Variants in MVD observed in about 807,000 individuals in gnomAD.
The protein encoded by MVD is mevalonate diphosphate decarboxylase, also known as diphosphomevalonate decarboxylase.
MVD carries 52 observed loss-of-function variants against 42.4 expected under a neutral mutation model. That is an observed-to-expected ratio of 1.23 (90% CI 0.98 to 1.55). The LOEUF (loss-of-function observed/expected upper bound fraction) is 1.55, where lower values mean the gene tolerates loss of function less well. MVD is among the 40% of genes most tolerant of loss of function. The probability of loss-of-function intolerance (pLI) is 0.00; values close to 1 mark genes in which losing one functional copy is unlikely to be tolerated. For synonymous variants in MVD, 287 were observed against 243.2 expected (o/e 1.18, Z -1.68); for missense variants, 663 against 572.1 (o/e 1.16, Z -1.62).
At chr16:88,662,440 C>A (rs1022036600) in intron 1 of MVD, among the ~76,000 whole-genome samples, 15 of 152,344 alleles carry the variant, frequency 9.8e-5, no homozygotes, top group African/African-American at 3.6e-4. Context: ...CCAGGTAACC[C>A]CGGCGCGAGG....
At chr16:88,659,370 C>A (rs1252345590) in intron 1 of MVD, 2 of 155,964 alleles carry the variant, frequency 1.3e-5, no homozygotes, top group Admixed American at 1.2e-4. Context: ...GGCTCTTTCA[C>A]GCACAGCACT....
Position 88,652,407 on chromosome 16 carries a change from G to T in MVD, c.*118C>A. The T allele has an allele frequency of 8.6e-7, 1 of 1,163,078 alleles. No individual in the cohort carries two copies. Among genetic ancestry groups the T allele is most frequent in the Non-Finnish European group, 1.2e-6 (1 of 801,732 alleles). 72.0% of individuals were successfully genotyped at this position (1,163,078 alleles called of 1,614,324 possible). Reference sequence around the variant, plus strand: ...CTGCCCCACAGCAAGCTGCCCATGGGCCCGGGGTCAAGCCACCACCCACAT... The same window carrying T: ...CTGCCCCACAGCAAGCTGCCCATGGTCCCGGGGTCAAGCCACCACCCACAT... On this transcript the variant is annotated 3_prime_UTR_variant, in exon 10 of 10. Transcript: ENST00000301012.
Position 88,654,711 on chromosome 16 carries a change from G to A in MVD, c.994C>T (p.Pro332Ser). The A allele has an allele frequency of 1.3e-6, 2 of 1,599,622 alleles. No homozygotes were observed. The highest frequency in any genetic ancestry group is 1.4e-5 in the African/African-American group (1 of 73,992). ...FVAAVWHGFP[P>S]GSNGDTFLKG... ...ACTCACGTGTCTCCATTCGAGCCTGGGGGAAAGCCGTGCCACACAGCAGCC... is the reference window on the plus strand; with the variant it reads ...ACTCACGTGTCTCCATTCGAGCCTGAGGGAAAGCCGTGCCACACAGCAGCC... The change falls in exon 8 of 10, where the codon CCA becomes TCA. Residue 332 changes from proline to serine, a missense_variant. Physicochemically the swap from Pro to Ser is moderately conservative, Grantham distance 74. Coordinates refer to ENST00000301012, the MANE Select transcript of MVD (RefSeq NM_002461.3).
rs1313629983 is a variant in MVD at position 88,654,730 on chromosome 16, A to G, written c.975T>C (p.Ala325=). Residue 325 remains alanine (A), a synonymous_variant, in exon 8 of 10, where the codon GCT becomes GCC. Transcript: ENST00000301012. ...LDDTVAEFVA[A]VWHGFPPGSN... ...AGCCTGGGGGAAAGCCGTGCCACAC[A>G]GCAGCCACAAACTCAGCCACAGTGT... 1 of 1,603,442 alleles carries G rather than the reference A, an allele frequency of 6.2e-7. No homozygotes were observed. Among genetic ancestry groups the G allele is most frequent in the Non-Finnish European group, 8.5e-7 (1 of 1,176,668 alleles).
intron 1 of MVD, chr16:88,660,424 C>G (rs1245061998): frequency 2.0e-5 from 3 of 152,162 alleles, no homozygotes; most frequent in African/African-American, 7.2e-5. Context: ...GCAGGCAGAT[C>G]ACTTGAGGTC....
Position 88,657,963 on chromosome 16 carries a change from G to A in MVD, c.208C>T (p.Arg70Trp), listed in dbSNP as rs754779116. 6 of 1,613,794 alleles carry A rather than the reference G, an allele frequency of 3.7e-6. No individual in the cohort carries two copies. The highest frequency in any genetic ancestry group is 3.4e-6 in the Non-Finnish European group (4 of 1,180,036). Residue 70 changes from arginine to tryptophan, a missense_variant, in exon 3 of 10, where the codon CGG becomes TGG. Physicochemically the swap from Arg to Trp is moderately radical, Grantham distance 101 (BLOSUM62 -3). Coordinates refer to ENST00000301012, the MANE Select transcript of MVD (RefSeq NM_002461.3). ...CGCGGCTGCCCCACATCCTCCTCCCGGCCATTCAGCCAAATCCGGTCCTCG... is the reference window on the plus strand; with the variant it reads ...CGCGGCTGCCCCACATCCTCCTCCCAGCCATTCAGCCAAATCCGGTCCTCG... ...FTEDRIWLNG[R>W]EEDVGQPRLQ... is the part of the protein sequence containing the mutation.
In MVD at chr16:88,657,581, G is replaced by T. The variant is rs141767903; in HGVS notation, c.258C>A (p.Ile86=). The T allele has an allele frequency of 2.5e-6, 4 of 1,612,086 alleles. No individual in the cohort carries two copies. The African/African-American group carries it at 4.0e-5, about 16-fold the overall frequency. Residue 86 remains isoleucine, a splice_region_variant and synonymous_variant, in exon 4 of 10, where the codon ATC becomes ATA. Transcript: ENST00000301012. ...TCCTCCGCTTCCGGGCCAGGCAGCGGACTGCAGAGACAATGAGACAGCGTG... is the reference window on the plus strand; with the variant it reads ...TCCTCCGCTTCCGGGCCAGGCAGCGTACTGCAGAGACAATGAGACAGCGTG... ...QPRLQACLRE[I]RCLARKRRNS...
At position 88,655,987 on chromosome 16, in the gene MVD, G is replaced by A. The variant is rs535384521; in HGVS notation, c.603+118C>T. ...CCACGCTTCTGTTCCTTCAGCCCCC[G>A]CTGACCCCAGGAGCCAAGCAAAGCC... On this transcript the variant is annotated intron_variant, in intron 5 of 9. Transcript: ENST00000301012. 5.5e-5 allele frequency: 75 copies of A among 1,376,074 alleles called. No homozygotes were observed. In the East Asian group the frequency reaches 1.7e-3, roughly 31 times the overall value. The allele number at this position is 1,376,074 out of a possible 1,614,324, so 85.2% of individuals were successfully genotyped here.
intron 8 of MVD, among the ~76,000 whole-genome samples, chr16:88,654,257 G>A (rs1049889158): frequency 6.6e-6 from 1 of 152,178 alleles, no homozygotes; most frequent in African/African-American, 2.4e-5. Context: ...CTGCCGGGGC[G>A]GGGTCAACAC....
At chr16:88,661,691 A>G (rs907876180) in intron 1 of MVD, among the ~76,000 whole-genome samples, 5 of 152,050 alleles carry the variant, frequency 3.3e-5, no homozygotes, top group Non-Finnish European at 7.4e-5. Flanking sequence ...GCGAATGAGG[A>G]CCACAGCACC....
Position 88,652,485 on chromosome 16 carries a change from C to T in MVD, c.*40G>A, listed in dbSNP as rs1263549284. ...ATCCGCTCCCTAGCTCCGGCGAGGC[C>T]ACCCCTTCTCCAAGCGGCATGCGGT... is the stretch of plus-strand genomic sequence containing the variant. On this transcript the variant is annotated 3_prime_UTR_variant, in exon 10 of 10. Transcript: ENST00000301012. 1.9e-6 allele frequency: 3 copies of T among 1,549,298 alleles called. No individual in the cohort carries two copies. In the African/African-American group the frequency reaches 4.1e-5, roughly 21 times the overall value.
chr16:88,657,928 G>A lies in MVD; in HGVS notation c.243C>T (p.Ala81=), dbSNP rs1219133468. 6.2e-7 allele frequency: 1 copy of A among 1,613,486 alleles called. No individual in the cohort carries two copies. Among genetic ancestry groups the A allele is most frequent in the East Asian group, 2.2e-5 (1 of 44,898 alleles). The change falls in exon 3 of 10, where the codon GCC becomes GCT. Residue 81 remains alanine, a synonymous_variant. Coordinates refer to ENST00000301012, the MANE Select transcript of MVD (RefSeq NM_002461.3). ...EEDVGQPRLQ[A]CLREIRCLAR... ...ACCCCAGCTCACTCTCCCGCAGGCAGGCCTGCAGCCGCGGCTGCCCCACAT... is the reference window on the plus strand; with the variant it reads ...ACCCCAGCTCACTCTCCCGCAGGCAAGCCTGCAGCCGCGGCTGCCCCACAT...
chr16:88,657,624 C>A (rs530789589), intron 3 of MVD, 42 bp from the exon 4 acceptor site: 1 of 1,593,788 alleles, frequency 6.3e-7, no homozygotes, highest in Non-Finnish European at 8.6e-7. Context: ...GCCGTCAGCA[C>A]CCTGCCCGCC....
chr16:88,653,061 T>A (rs931294855), intron 9 of MVD, among the ~76,000 whole-genome samples: 5 of 152,134 alleles, frequency 3.3e-5, no homozygotes, highest in Non-Finnish European at 7.4e-5. Flanking sequence ...CCTGTCTCCC[T>A]GGGAGCCTGT....
chr16:88,659,908 A>G (rs1908182118), intron 1 of MVD, among the ~76,000 whole-genome samples: 1 of 151,400 alleles, frequency 6.6e-6, no homozygotes, highest in Non-Finnish European at 1.5e-5. Flanking sequence ...CGGAGGTTGC[A>G]CTGAGCCGAG....
In MVD at chr16:88,662,651, C is replaced by T; in HGVS notation, c.70+360G>A. The T allele has an allele frequency of 3.2e-6, 4 of 1,259,358 alleles. No individual in the cohort carries two copies. The South Asian group carries it at 4.3e-5, about 13-fold the overall frequency. 78.0% of individuals were successfully genotyped at this position (1,259,358 alleles called of 1,614,324 possible). On this transcript the variant is annotated intron_variant, in intron 1 of 9. Coordinates refer to ENST00000301012, the MANE Select transcript of MVD (RefSeq NM_002461.3). The stretch of plus-strand genomic sequence containing the variant: ...CGACCTCCCGGGCTCTGGCCATCCT[C>T]CCGCCTCAGCCTCCCGAGTAGCTGG...
At chr16:88,655,854 G>GCCTGACCACAGAGGCCT (rs1212373727) in intron 5 of MVD, 124 bp from the exon 6 acceptor site, 1 of 1,242,378 alleles carries the variant, frequency 8.0e-7, no homozygotes, top group Admixed American at 2.1e-5. Flanking sequence ...AGTGCCACCT[G>GCCTGACCACAGAGGCCT]CCTGACCACA....
At chr16:88,654,634 C>T (rs559276175) in intron 8 of MVD, 58 bp downstream of exon 8, 127 of 1,530,946 alleles carry the variant, frequency 8.3e-5, no homozygotes, top group East Asian at 3.9e-4. Context: ...CCGTCTCTTC[C>T]GACCAGAGTT....
In MVD at chr16:88,654,691, C is replaced by G. The variant is rs780212718; in HGVS notation, c.1013+1G>C. On this transcript the variant is annotated splice_donor_variant, in intron 8 of 9. Coordinates refer to ENST00000301012, the MANE Select transcript of MVD (RefSeq NM_002461.3). LOFTEE classifies it high-confidence loss of function. ...GGAGGAGGGGCGGGGTCCACACTCA[C>G]GTGTCTCCATTCGAGCCTGGGGGAA... The G allele has an allele frequency of 6.3e-7, 1 of 1,596,538 alleles. No individual in the cohort carries two copies. Among genetic ancestry groups the G allele is most frequent in the Non-Finnish European group, 8.5e-7 (1 of 1,174,426 alleles).
Sources: gnomAD v4.1 joint callset for allele counts (sites outside exome capture counted in the v4.1 genomes callset) on GRCh38, gnomAD v4.1.1 for gene constraint, MANE v1.5 for transcripts, NCBI Gene and HGNC (gene_info 2026-07-23, HGNC 2026-07-21) for gene names.